IDH1: variants seen among roughly 807,000 people sequenced by gnomAD.
IDH1 encodes isocitrate dehydrogenase (NADP(+)) 1.
A neutral mutation model predicts 46.1 loss-of-function variants in IDH1; 33 were observed. The observed-to-expected ratio is 0.72, with a 90% confidence interval of 0.54 to 0.96. IDH1 has a LOEUF of 0.96. IDH1 is among the 40% of genes least tolerant of loss of function. The probability of loss-of-function intolerance (pLI) is 0.00; values close to 1 mark genes in which losing one functional copy is unlikely to be tolerated. For missense variants in IDH1, 421 were observed against 515.7 expected (o/e 0.82, Z 1.78); for synonymous variants, 144 against 172.8 (o/e 0.83, Z 1.31).
intron 4 of IDH1, 102 bp downstream of exon 4, chr2:208,248,267 G>T (rs773530559): frequency 1.0e-6 from 1 of 974,376 alleles, no homozygotes; most frequent in African/African-American, 1.6e-5. Context: ...TGCTTAATGG[G>T]TGTAGATACC....
intron 9 of IDH1, among the ~76,000 whole-genome samples, chr2:208,238,223 G>A (rs1302478370): frequency 6.6e-6 from 1 of 151,960 alleles, no homozygotes; most frequent in Non-Finnish European, 1.5e-5. Context: ...TTTTAGTGGA[G>A]ATGGGGTTTC....
At chr2:208,246,823 AT>A (rs1237335214) in intron 4 of IDH1, among the ~76,000 whole-genome samples, 1 of 152,068 alleles carries the variant, frequency 6.6e-6, no homozygotes, top group East Asian at 1.9e-4. Flanking sequence ...TGTGCCTGTA[AT>A]CCCAGCTACT....
At position 208,242,242 on chromosome 2, in the gene IDH1, A is replaced by C. The variant is rs934814270; in HGVS notation, c.699-97T>G. On this transcript the variant is annotated intron_variant, in intron 6 of 9. Coordinates refer to ENST00000345146, the MANE Select transcript of IDH1 (RefSeq NM_005896.4). The stretch of plus-strand genomic sequence containing the variant: ...CCAAACAGAAGACCGGACACACAAG[A>C]AGCAGCATATTTTAGTAGAAGTAGC... 1.9e-5 allele frequency: 22 copies of C among 1,135,868 alleles called. No homozygotes were observed. In the African/African-American group the frequency reaches 2.0e-4, roughly 10 times the overall value. The allele number at this position is 1,135,868 out of a possible 1,614,324, so 70.4% of individuals were successfully genotyped here.
chr2:208,242,168 GAATAAT>G, intron 6 of IDH1, 23 bp from the exon 7 acceptor site: 1 of 1,609,950 alleles, frequency 6.2e-7, no homozygotes, highest in African/African-American at 1.3e-5. Flanking sequence ...AGGTAAAAGA[GAATAAT>G]AATAAAGAAA....
intron 6 of IDH1, among the ~76,000 whole-genome samples, chr2:208,243,164 A>T (rs1361440557): frequency 6.6e-6 from 1 of 152,232 alleles, no homozygotes; most frequent in East Asian, 1.9e-4. Flanking sequence ...CTAACAGCGT[A>T]CGTTTATTTA....
In IDH1 at chr2:208,236,924, G is replaced by A. The variant is rs939574523; in HGVS notation, c.*155C>T. The A allele has an allele frequency of 1.6e-6, 1 of 614,076 alleles. No individual in the cohort carries two copies. The highest frequency in any genetic ancestry group is 1.9e-5 in the African/African-American group (1 of 53,956). 38.0% of individuals were successfully genotyped at this position (614,076 alleles called of 1,614,324 possible). ...AAGGTGGCAATAACTGTATATATAA[G>A]AAAAAGGCTGTAAACTTATAGAAAA... On this transcript the variant is annotated 3_prime_UTR_variant, in exon 10 of 10. Coordinates refer to ENST00000345146, the MANE Select transcript of IDH1 (RefSeq NM_005896.4).
chr2:208,250,675 A>G (rs1308305837), intron 3 of IDH1, among the ~76,000 whole-genome samples: 1 of 152,220 alleles, frequency 6.6e-6, no homozygotes, highest in Non-Finnish European at 1.5e-5. Context: ...GAAAAAAATG[A>G]GAGAATTACA....
At chr2:208,244,064 G>A (rs1401243647) in intron 5 of IDH1, among the ~76,000 whole-genome samples, 1 of 152,192 alleles carries the variant, frequency 6.6e-6, no homozygotes, top group African/African-American at 2.4e-5. Flanking sequence ...CCTTATGAAT[G>A]GCTTAGGACC....
intron 8 of IDH1, among the ~76,000 whole-genome samples, chr2:208,239,537 CT>C (rs1390748080): frequency 1.3e-5 from 2 of 152,166 alleles, no homozygotes; most frequent in Non-Finnish European, 2.9e-5. Context: ...GCTGTAATCT[CT>C]TTTTGAAGTG....
In IDH1 at chr2:208,239,987, G is replaced by A. The variant is rs1158077492; in HGVS notation, c.867C>T (p.Gly289=). ...GACAAACCAGCACGCTGGTCATCAT[G>A]CCGAGAGAGCCATACCCTGTAAGTA... is the stretch of plus-strand genomic sequence containing the variant. The part of the protein sequence containing the change: ...DSVAQGYGSL[G]MMTSVLVCPD... The change falls in exon 8 of 10, where the codon GGC becomes GGT. Residue 289 remains glycine, a synonymous_variant. Coordinates refer to ENST00000345146, the MANE Select transcript of IDH1 (RefSeq NM_005896.4). 1.8e-5 allele frequency: 29 copies of A among 1,614,046 alleles called. No homozygotes were observed. Among genetic ancestry groups the A allele is most frequent in the Non-Finnish European group, 2.5e-5 (29 of 1,180,020 alleles).
intron 7 of IDH1, chr2:208,240,453 A>C (rs1331479411): frequency 6.4e-6 from 1 of 155,158 alleles, no homozygotes; most frequent in African/African-American, 2.4e-5. Flanking sequence ...CACAGAGCTC[A>C]ATCTATTATT....
At position 208,245,791 on chromosome 2, in the gene IDH1, A is replaced by G. The variant is rs5023935; in HGVS notation, c.415-367T>C. Among the ~76,000 whole-genome samples the G allele has an allele frequency of 3.5e-5, 4 of 114,972 alleles. No homozygotes were observed. In the South Asian group the frequency reaches 1.1e-3, roughly 32 times the overall value. The allele number at this position is 114,972 out of a possible 152,430, so 75.4% of individuals were successfully genotyped here. A position where few individuals can be genotyped will look rare whatever the true frequency, so the allele number is the denominator to read the frequency against. The stretch of plus-strand genomic sequence containing the variant: ...AAGAGGGTATTAGACCCCCCCCCCA[A>G]AAAAAAAAAAACTATAGGATGACAG... On this transcript the variant is annotated intron_variant, in intron 4 of 9. Coordinates refer to ENST00000345146, the MANE Select transcript of IDH1 (RefSeq NM_005896.4).
chr2:208,239,167 G>T lies in IDH1; in HGVS notation c.1058C>A (p.Ala353Asp), dbSNP rs762126667. Residue 353 changes from alanine (A) to aspartate (D), a missense_variant, in exon 9 of 10, where the codon GCC becomes GAC. Transcript: ENST00000345146. Reference protein sequence around the residue: ...RAKLDNNKELAFFANALEEVS... With the variant: ...RAKLDNNKELDFFANALEEVS... Reference sequence around the variant, plus strand: ...TTCTTCCAAAGCATTTGCAAAGAAGGCAAGCTCTTTATTGTTATCAAGCTT... The same window carrying T: ...TTCTTCCAAAGCATTTGCAAAGAAGTCAAGCTCTTTATTGTTATCAAGCTT... 12 of 1,613,894 alleles carry T rather than the reference G, an allele frequency of 7.4e-6. No individual in the cohort carries two copies. In the Admixed American group the frequency reaches 1.5e-4, roughly 20 times the overall value.
chr2:208,237,393 A>ACTT (rs75634689), intron 9 of IDH1, among the ~76,000 whole-genome samples: 1 of 152,156 alleles, frequency 6.6e-6, no homozygotes, highest in Non-Finnish European at 1.5e-5. Context: ...GGCAGTAGAG[A>ACTT]CAGCCATACA....
intron 7 of IDH1, among the ~76,000 whole-genome samples, chr2:208,241,202 G>C (rs1687911256): frequency 6.6e-6 from 1 of 152,054 alleles, no homozygotes. Flanking sequence ...TTGTGTGTAA[G>C]CTAAGCAGTA....
chr2:208,246,904 C>T lies in IDH1; in HGVS notation c.414+1465G>A, dbSNP rs139404756. 8.4e-3 allele frequency among the ~76,000 whole-genome samples: 1,285 copies of T among 152,262 alleles called. 23 individuals are homozygous for T. Among genetic ancestry groups the T allele is most frequent in the African/African-American group, 0.029 (1,209 of 41,564 alleles). ...GTTGCAGTGAGCCAAGATCACACCACTGCACTCCAGCCTGGGCGACAGAGC... is the reference window on the plus strand; with the variant it reads ...GTTGCAGTGAGCCAAGATCACACCATTGCACTCCAGCCTGGGCGACAGAGC... On this transcript the variant is annotated intron_variant, in intron 4 of 9. Transcript: ENST00000345146.
chr2:208,247,380 T>A (rs1041602576), intron 4 of IDH1: 1 of 152,232 alleles, frequency 6.6e-6, no homozygotes, highest in African/African-American at 2.4e-5. Context: ...AAGCAATACT[T>A]TTTTTCCAGG....
intron 7 of IDH1, 145 bp from the exon 8 acceptor site, chr2:208,240,148 C>A: frequency 1.2e-6 from 1 of 845,316 alleles, no homozygotes. Context: ...ATAATTCTGC[C>A]TTTCAGAAGG....
chr2:208,242,409 T>A (rs962262206), intron 6 of IDH1, among the ~76,000 whole-genome samples: 3 of 152,228 alleles, frequency 2.0e-5, no homozygotes, highest in African/African-American at 7.2e-5. Flanking sequence ...CAGTAGAGTA[T>A]CCCAATGACT....
Sources: allele counts gnomAD v4.1 joint callset (sites outside exome capture counted in the v4.1 genomes callset), GRCh38; gene constraint gnomAD v4.1.1; transcripts MANE v1.5; gene names NCBI Gene and HGNC (gene_info 2026-07-23, HGNC 2026-07-21).